The following MPRIP variants were observed in gnomAD, a reference collection of about 807,000 sequenced individuals.
MPRIP encodes the protein myosin phosphatase Rho-interacting protein.
Under a neutral mutation model 234.9 loss-of-function variants are expected in MPRIP, and 59 were observed. The ratio of observed to expected loss-of-function variants is 0.25; its 90% CI spans 0.20 to 0.31. The LOEUF is 0.31. Among genes scored for constraint, MPRIP ranks in the 10% least tolerant of loss-of-function variants. MPRIP has a pLI of 1.00. For synonymous variants in MPRIP, 1,144 were observed against 1,263.9 expected, an observed-to-expected ratio of 0.91 and a Z score of 2.01; for missense variants, 2,436 against 3,071.0, an observed-to-expected ratio of 0.79 and a Z score of 4.89.
At chr17:17,046,934 T>G (rs990986713) in intron 1 of MPRIP, among the ~76,000 whole-genome samples, 2 of 152,142 alleles carry the variant, frequency 1.3e-5, no homozygotes, top group African/African-American at 2.4e-5. Flanking sequence ...TCCCAGCACT[T>G]AGGGAGGCTG....
intron 22 of MPRIP, among the ~76,000 whole-genome samples, 157 bp downstream of exon 22, chr17:17,177,569 T>C (rs965026646): frequency 6.6e-6 from 1 of 152,230 alleles, no homozygotes; most frequent in Non-Finnish European, 1.5e-5. Flanking sequence ...TTCACACGGC[T>C]GCCCCAGACA....
intron 3 of MPRIP, among the ~76,000 whole-genome samples, chr17:17,102,729 A>G (rs1348341769): frequency 6.6e-6 from 1 of 152,080 alleles, no homozygotes; most frequent in Admixed American, 6.5e-5. Context: ...CTGGCAGCAC[A>G]CCCACCCTCC....
intron 3 of MPRIP, among the ~76,000 whole-genome samples, chr17:17,105,848 T>C (rs1475364365): frequency 6.6e-6 from 1 of 152,154 alleles, no homozygotes; most frequent in Non-Finnish European, 1.5e-5. Flanking sequence ...TTATTTAGGG[T>C]TAGGATTAGG....
At chr17:17,159,227 C>T (rs1290146769) in intron 14 of MPRIP, among the ~76,000 whole-genome samples, 1 of 152,248 alleles carries the variant, frequency 6.6e-6, no homozygotes, top group Non-Finnish European at 1.5e-5. Context: ...GCCTTCCAGG[C>T]ACAGAGGAAT....
chr17:17,104,552 C>T (rs1255546179), intron 3 of MPRIP, among the ~76,000 whole-genome samples: 1 of 152,178 alleles, frequency 6.6e-6, no homozygotes, highest in Non-Finnish European at 1.5e-5. Context: ...GGTGGGGAGC[C>T]GTGAAGGCAG....
intron 3 of MPRIP, among the ~76,000 whole-genome samples, chr17:17,109,536 G>C (rs755523765): frequency 6.6e-6 from 1 of 152,214 alleles, no homozygotes; most frequent in Non-Finnish European, 1.5e-5. Context: ...TTAGTTGATA[G>C]AGACTTTAAT....
At position 17,166,591 on chromosome 17, in the gene MPRIP, G is replaced by T. The variant is rs1288437243; in HGVS notation, c.5000G>T (p.Trp1667Leu). 1.5e-6 allele frequency: 2 copies of T among 1,304,082 alleles called. No homozygotes were observed. Among genetic ancestry groups the T allele is most frequent in the Admixed American group, 4.6e-5 (2 of 43,578 alleles). 80.8% of individuals were successfully genotyped at this position (1,304,082 alleles called of 1,614,324 possible). Residue 1667 changes from tryptophan (W) to leucine (L), a missense_variant, in exon 16 of 24, where the codon TGG becomes TTG. Physicochemically the swap from Trp to Leu is moderately conservative, Grantham distance 61 (BLOSUM62 -2). Around this residue, in one of 4 missense-constraint regions of MPRIP, gnomAD observed 1,998 missense variants for 2,520.3 expected, o/e 0.79. Transcript: ENST00000651222. This position sits in a 1 kb window ranked among gnomAD's most constrained non-coding sequence, Gnocchi z 4.4. The part of the protein sequence containing the change: ...GLAPILANAT[W>L]VRAELSFATQ... Reference sequence around the variant, plus strand: ...GCCCCCATCCTGGCCAATGCCACATGGGTCAGGGCAGAGCTCAGCTTTGCC... The same window carrying T: ...GCCCCCATCCTGGCCAATGCCACATTGGTCAGGGCAGAGCTCAGCTTTGCC...
At chr17:17,081,945 A>T (rs780422553) in intron 3 of MPRIP, among the ~76,000 whole-genome samples, 1 of 152,184 alleles carries the variant, frequency 6.6e-6, no homozygotes, top group Non-Finnish European at 1.5e-5. Context: ...ACAGACAAGT[A>T]AAAGCCTGAG....
chr17:17,173,952 C>T lies in MPRIP; in HGVS notation c.6627C>T (p.Val2209=). 1 of 1,613,638 alleles carries T rather than the reference C, an allele frequency of 6.2e-7. No individual in the cohort carries two copies. The highest frequency in any genetic ancestry group is 8.5e-7 in the Non-Finnish European group (1 of 1,179,984). The change falls in exon 19 of 24, where the codon GTC becomes GTT. Residue 2209 remains valine (V), a synonymous_variant. Coordinates refer to ENST00000651222, the MANE Select transcript of MPRIP (RefSeq NM_001364716.4). ...AGTCGGTGCAGCGGGAACTGGAGGT[C>T]CTCTCGGAGCAGTACTCGCAGAAGT... is the stretch of plus-strand genomic sequence containing the variant. The part of the protein sequence containing the change: ...ELQSVQRELE[V]LSEQYSQKCL...
intron 3 of MPRIP, among the ~76,000 whole-genome samples, chr17:17,093,993 C>G (rs1352822703): frequency 6.6e-6 from 1 of 152,212 alleles, no homozygotes; most frequent in African/African-American, 2.4e-5. Flanking sequence ...TGGCTGTCCT[C>G]TGGACCTGCT....
At chr17:17,142,800 G>GAGGT in intron 8 of MPRIP, 35 bp downstream of exon 8, 1 of 1,604,250 alleles carries the variant, frequency 6.2e-7, no homozygotes, top group Non-Finnish European at 8.5e-7. Context: ...CCTCAGGGGT[G>GAGGT]GCTCGGGGGC....
intron 12 of MPRIP, 108 bp downstream of exon 12, chr17:17,150,341 G>A: frequency 1.3e-6 from 1 of 774,346 alleles, no homozygotes; most frequent in Non-Finnish European, 2.2e-6. Context: ...GATGCAGCGT[G>A]TATGGTCAGC....
At chr17:17,070,363 C>T (rs996670170) in intron 1 of MPRIP, among the ~76,000 whole-genome samples, 22 of 152,208 alleles carry the variant, frequency 1.4e-4, no homozygotes, top group African/African-American at 5.3e-4. Flanking sequence ...CTTCACCCTT[C>T]CTCCTATCCT....
chr17:17,177,076 C>G (rs935506943), intron 21 of MPRIP, among the ~76,000 whole-genome samples, 174 bp from the exon 22 acceptor site: 1 of 152,192 alleles, frequency 6.6e-6, no homozygotes, highest in Non-Finnish European at 1.5e-5. Flanking sequence ...CCTTAGGCCC[C>G]GTGGTTTTTC....
chr17:17,166,034 T>C lies in MPRIP; in HGVS notation c.4443T>C (p.Asn1481=), dbSNP rs1472785373. The change falls in exon 16 of 24, where the codon AAT becomes AAC. Residue 1481 remains asparagine (N), a synonymous_variant. Transcript: ENST00000651222. The surrounding 1 kb of genome is among the most constrained non-coding windows in gnomAD (Gnocchi z 4.4). The part of the protein sequence containing the change: ...KNSQALMCLE[N]CREQLRSLPR... Reference sequence around the variant, plus strand: ...GTCAGGCCCTGATGTGCCTGGAAAATTGCCGAGAACAACTGAGATCTCTGC... The same window carrying C: ...GTCAGGCCCTGATGTGCCTGGAAAACTGCCGAGAACAACTGAGATCTCTGC... 1 of 1,303,766 alleles carries C rather than the reference T, an allele frequency of 7.7e-7. No homozygotes were observed. The highest frequency in any genetic ancestry group is 1.2e-5 in the South Asian group (1 of 80,934). The allele number at this position is 1,303,766 out of a possible 1,614,324, so 80.8% of individuals were successfully genotyped here. A position where few individuals can be genotyped will look rare whatever the true frequency, so the allele number is the denominator to read the frequency against.
chr17:17,093,194 T>C (rs1184381381), intron 3 of MPRIP, among the ~76,000 whole-genome samples: 1 of 152,240 alleles, frequency 6.6e-6, no homozygotes, highest in African/African-American at 2.4e-5. Context: ...AACATCCTAT[T>C]TCCCCCAAAG....
intron 1 of MPRIP, among the ~76,000 whole-genome samples, chr17:17,068,402 G>T (rs991922578): frequency 6.6e-6 from 1 of 151,644 alleles, no homozygotes; most frequent in Non-Finnish European, 1.5e-5. Flanking sequence ...TGCCCACCTC[G>T]GCCTCCCAAA....
chr17:17,053,044 C>T (rs2088589331), intron 1 of MPRIP, among the ~76,000 whole-genome samples: 1 of 152,016 alleles, frequency 6.6e-6, no homozygotes, highest in Non-Finnish European at 1.5e-5. Context: ...CTCCTGATGC[C>T]ATACCCAGAG....
chr17:17,105,589 C>G (rs1407994802), intron 3 of MPRIP, among the ~76,000 whole-genome samples: 1 of 152,212 alleles, frequency 6.6e-6, no homozygotes, highest in Non-Finnish European at 1.5e-5. Flanking sequence ...GCCACTGAGT[C>G]AGGCCACTGA....
Sources: allele counts gnomAD v4.1 joint callset (sites outside exome capture counted in the v4.1 genomes callset), GRCh38; gene constraint gnomAD v4.1.1; regional missense constraint gnomAD v4.1.1; non-coding constraint Gnocchi (gnomAD v3.1); transcripts MANE v1.5; gene names NCBI Gene and HGNC (gene_info 2026-07-23, HGNC 2026-07-21).